Variants in GRM1 observed in about 807,000 individuals in gnomAD.
GRM1 encodes the protein glutamate metabotropic receptor 1, also known as metabotropic glutamate receptor 1.
Under a neutral mutation model 90.9 loss-of-function variants are expected in GRM1, and 33 were observed. The ratio of observed to expected loss-of-function variants is 0.36; its 90% CI spans 0.28 to 0.49. The LOEUF (loss-of-function observed/expected upper bound fraction) is 0.49, where lower values mean the gene tolerates loss of function less well. GRM1 is among the 20% of genes least tolerant of loss of function. GRM1 has a pLI of 0.99. For synonymous variants in GRM1, 700 were observed against 613.2 expected, an observed-to-expected ratio of 1.14 and a Z score of -2.09; for missense variants, 1,190 against 1,534.3, an observed-to-expected ratio of 0.78 and a Z score of 3.75.
chr6:146,143,562 TC>T (rs774408733), intron 1 of GRM1, among the ~76,000 whole-genome samples: 7 of 152,188 alleles, frequency 4.6e-5, no homozygotes, highest in Non-Finnish European at 1.0e-4. Flanking sequence ...AGTATCTTGT[TC>T]CCTGTTTTTC....
intron 4 of GRM1, among the ~76,000 whole-genome samples, chr6:146,356,307 AG>A (rs1330473948): frequency 1.3e-5 from 2 of 152,218 alleles, no homozygotes; most frequent in African/African-American, 4.8e-5. Flanking sequence ...TCTTGCGCAC[AG>A]TCCTGGAGGC....
At chr6:146,336,557 A>G (rs1384565239) in intron 3 of GRM1, among the ~76,000 whole-genome samples, 1 of 152,158 alleles carries the variant, frequency 6.6e-6, no homozygotes, top group Non-Finnish European at 1.5e-5. Flanking sequence ...CTCACAGAAG[A>G]TGGCAGCTGT....
rs1009364567 is a variant in GRM1 at position 146,258,296 on chromosome 6, G to T, written c.951-46315G>T. Among the ~76,000 whole-genome samples the T allele has an allele frequency of 5.9e-5, 9 of 152,118 alleles. 1 individual carries two copies. The highest frequency in any genetic ancestry group is 1.4e-4 in the African/African-American group (6 of 41,406). ...ATTCATCCTATAAAATATGTATCATGTGCCTATATGCACATGACTGAGCTA... is the reference window on the plus strand; with the variant it reads ...ATTCATCCTATAAAATATGTATCATTTGCCTATATGCACATGACTGAGCTA... On this transcript the variant is annotated intron_variant, in intron 2 of 7. Transcript: ENST00000282753.
intron 1 of GRM1, among the ~76,000 whole-genome samples, chr6:146,114,526 A>G (rs1775672194): frequency 6.6e-6 from 1 of 152,186 alleles, no homozygotes; most frequent in Non-Finnish European, 1.5e-5. Context: ...TAATAGTTGT[A>G]GAATGATTAT....
chr6:146,080,965 A>G (rs1166280300), intron 1 of GRM1, among the ~76,000 whole-genome samples: 1 of 152,156 alleles, frequency 6.6e-6, no homozygotes, highest in African/African-American at 2.4e-5. Context: ...CAAGTGCCCA[A>G]GGGGGATGTG....
chr6:146,195,305 C>T (rs1279207725), intron 2 of GRM1, among the ~76,000 whole-genome samples: 3 of 152,196 alleles, frequency 2.0e-5, no homozygotes, highest in Non-Finnish European at 4.4e-5. Flanking sequence ...CAACCATCTT[C>T]TATTATTCAT....
At chr6:146,173,232 T>TA (rs926479522) in intron 2 of GRM1, among the ~76,000 whole-genome samples, 39 of 148,742 alleles carry the variant, frequency 2.6e-4, no homozygotes, top group Admixed American at 8.0e-4. Flanking sequence ...CTACTAAAAA[T>TA]AAAAAAAAAT....
intron 1 of GRM1, among the ~76,000 whole-genome samples, chr6:146,068,819 T>A (rs1775937814): frequency 6.6e-6 from 1 of 152,182 alleles, no homozygotes; most frequent in African/African-American, 2.4e-5. Context: ...CAAAATAAAA[T>A]TTTTACGTAA....
rs986854451 is a variant in GRM1 at position 146,033,856 on chromosome 6, A to T, written c.700+3639A>T. Reference sequence around the variant, plus strand: ...AAGTCCTCCTAAGTCATAAATACATACTTTGATTAATGCAATTACCTGTAA... The same window carrying T: ...AAGTCCTCCTAAGTCATAAATACATTCTTTGATTAATGCAATTACCTGTAA... On this transcript the variant is annotated intron_variant, in intron 1 of 7. Transcript: ENST00000282753. Among the ~76,000 whole-genome samples the T allele has an allele frequency of 3.9e-5, 6 of 152,178 alleles. No individual in the cohort carries two copies. The East Asian group carries it at 1.2e-3, about 29-fold the overall frequency.
chr6:146,098,338 A>T (rs1776939809), intron 1 of GRM1, among the ~76,000 whole-genome samples: 1 of 152,192 alleles, frequency 6.6e-6, no homozygotes, highest in African/African-American at 2.4e-5. Context: ...ATTGTTCTAT[A>T]GAGAATTTAC....
chr6:146,399,017 C>T lies in GRM1; in HGVS notation c.1978C>T (p.Gln660Ter), dbSNP rs1777065118. The change falls in exon 7 of 8, where the codon CAG becomes TAG. Residue 660 changes from glutamine (Q) to a stop codon, truncating the protein, a stop_gained. Coordinates refer to ENST00000282753, the MANE Select transcript of GRM1 (RefSeq NM_001278064.2). LOFTEE classifies it high-confidence loss of function. The surrounding 1 kb of genome is among the most constrained non-coding windows in gnomAD (Gnocchi z 5.4). ...ACCTACTACCACCTCCTGCTACCTCCAGCGCCTCTTGGTTGGCCTCTCCTC... is the reference window on the plus strand; with the variant it reads ...ACCTACTACCACCTCCTGCTACCTCTAGCGCCTCTTGGTTGGCCTCTCCTC... ...AKPTTTSCYL[Q>*]RLLVGLSSAM... is the part of the protein sequence containing the mutation. The T allele has an allele frequency of 6.2e-7, 1 of 1,613,970 alleles. No homozygotes were observed. Among genetic ancestry groups the T allele is most frequent in the Admixed American group, 1.7e-5 (1 of 59,996 alleles).
At chr6:146,379,930 GTCTC>G (rs56732675) in intron 5 of GRM1, among the ~76,000 whole-genome samples, 59,072 of 147,640 alleles carry the variant, frequency 0.4, 11,670 homozygotes, top group Middle Eastern at 0.45. Flanking sequence ...TACAGAGTCT[GTCTC>G]TCTCTCTCTC....
At chr6:146,134,101 G>C (rs977018858) in intron 1 of GRM1, among the ~76,000 whole-genome samples, 1 of 152,176 alleles carries the variant, frequency 6.6e-6, no homozygotes, top group Non-Finnish European at 1.5e-5. Flanking sequence ...CCTCCCTGTG[G>C]TCTACCCGCT....
At chr6:146,420,146 A>C (rs1192153149) in intron 7 of GRM1, among the ~76,000 whole-genome samples, 1 of 152,224 alleles carries the variant, frequency 6.6e-6, no homozygotes, top group East Asian at 1.9e-4. Context: ...GTTTCCATGG[A>C]GTTCTCCAGT....
intron 1 of GRM1, among the ~76,000 whole-genome samples, chr6:146,057,300 T>C (rs1401754084): frequency 6.6e-6 from 1 of 152,090 alleles, no homozygotes; most frequent in African/African-American, 2.4e-5. Context: ...TCAAATACGA[T>C]AAATGCCTCT....
chr6:146,087,500 T>C (rs1776586471), intron 1 of GRM1, among the ~76,000 whole-genome samples: 2 of 152,110 alleles, frequency 1.3e-5, no homozygotes, highest in African/African-American at 4.8e-5. Context: ...TTGTCACATG[T>C]GTAGATTCAT....
intron 3 of GRM1, among the ~76,000 whole-genome samples, chr6:146,337,813 A>T (rs1784828422): frequency 6.6e-6 from 1 of 152,244 alleles, no homozygotes; most frequent in South Asian, 2.1e-4. Context: ...CACAAACAGG[A>T]ATACACAATT....
chr6:146,350,055 G>GA (rs922102061), intron 3 of GRM1, among the ~76,000 whole-genome samples: 1 of 152,130 alleles, frequency 6.6e-6, no homozygotes, highest in Non-Finnish European at 1.5e-5. Context: ...AACGACCCAA[G>GA]TCATAAGTTC....
chr6:146,085,153 A>G (rs1284609610), intron 1 of GRM1, among the ~76,000 whole-genome samples: 1 of 152,128 alleles, frequency 6.6e-6, no homozygotes, highest in Non-Finnish European at 1.5e-5. Context: ...GCAATGAAAG[A>G]ACCAGCAACA....
Sources: allele counts gnomAD v4.1 joint callset (sites outside exome capture counted in the v4.1 genomes callset), GRCh38; gene constraint gnomAD v4.1.1; non-coding constraint Gnocchi (gnomAD v3.1); transcripts MANE v1.5; gene names NCBI Gene and HGNC (gene_info 2026-07-23, HGNC 2026-07-21).